Variants in EEFSEC observed in about 807,000 individuals in gnomAD.
EEFSEC encodes selenocysteine-specific elongation factor.
A neutral mutation model predicts 42.1 loss-of-function variants in EEFSEC; 43 were observed. That is an observed-to-expected ratio of 1.02 (90% confidence interval 0.80 to 1.32). The LOEUF is 1.32. Ranked by LOEUF, EEFSEC falls within the 40% of genes most tolerant of loss-of-function variation. EEFSEC has a pLI of 0.00. For synonymous variants in EEFSEC, 354 were observed against 339.1 expected, an observed-to-expected ratio of 1.04 and a Z score of -0.48; for missense variants, 745 against 803.6, an observed-to-expected ratio of 0.93 and a Z score of 0.88.
chr3:128,417,448 G>C, the EEFSEC span, among the ~76,000 whole-genome samples: 1 of 151,914 alleles, frequency 6.6e-6, no homozygotes, highest in South Asian at 2.1e-4. The surrounding 1 kb of genome is among the most constrained non-coding windows in gnomAD (Gnocchi z 4.3). Context: ...TCTTCATTGA[G>C]CAGCCCCATT....
intron 1 of EEFSEC, among the ~76,000 whole-genome samples, chr3:128,182,878 C>CGGGGGGGG (rs1262106998): frequency 4.4e-4 from 2 of 4,570 alleles, no homozygotes; most frequent in African/African-American, 1.2e-3. Flanking sequence ...CCACAGAGAT[C>CGGGGGGGG]GGGGCGGGGG....
At chr3:128,326,289 C>T (rs1479366065) in intron 4 of EEFSEC, among the ~76,000 whole-genome samples, 1 of 152,244 alleles carries the variant, frequency 6.6e-6, no homozygotes. Flanking sequence ...GGGCCAGGCA[C>T]TGCGTGAAGC....
At chr3:128,370,481 C>T (rs890146536) in intron 6 of EEFSEC, among the ~76,000 whole-genome samples, 4 of 152,222 alleles carry the variant, frequency 2.6e-5, no homozygotes, top group East Asian at 1.9e-4. Context: ...GTAAAGGCCC[C>T]GGTCTGGCAG....
At chr3:128,410,902 G>C (rs967771468), downstream of EEFSEC, among the ~76,000 whole-genome samples, 1 of 152,332 alleles carries the variant, frequency 6.6e-6, no homozygotes, top group African/African-American at 2.4e-5. Context: ...GGAAGGAGGG[G>C]GCTCGGGTGG....
chr3:128,380,267 C>T (rs1168170063), intron 6 of EEFSEC, among the ~76,000 whole-genome samples: 1 of 152,198 alleles, frequency 6.6e-6, no homozygotes, highest in Non-Finnish European at 1.5e-5. Flanking sequence ...TCTTACCTCC[C>T]CTGTTATCCC....
chr3:128,411,783 C>T (rs1003842213), downstream of EEFSEC, among the ~76,000 whole-genome samples: 12 of 152,202 alleles, frequency 7.9e-5, no homozygotes, highest in Admixed American at 3.3e-4. Context: ...CAATAGATAA[C>T]GTCTCGTAAA....
chr3:128,373,588 C>T (rs1343691570), intron 6 of EEFSEC, among the ~76,000 whole-genome samples: 1 of 152,214 alleles, frequency 6.6e-6, no homozygotes, highest in African/African-American at 2.4e-5. Flanking sequence ...CTAGCTGGGG[C>T]TCCTGTGACC....
At chr3:128,259,156 G>T (rs970653516) in intron 2 of EEFSEC, among the ~76,000 whole-genome samples, 2 of 152,332 alleles carry the variant, frequency 1.3e-5, no homozygotes, top group African/African-American at 4.8e-5. Context: ...CTCGGTAAAA[G>T]GTCCTGTCTC....
chr3:128,174,564 G>A (rs1056338020), intron 1 of EEFSEC, among the ~76,000 whole-genome samples: 4 of 152,204 alleles, frequency 2.6e-5, no homozygotes, highest in African/African-American at 9.7e-5. Context: ...ACAGGCCTGG[G>A]CTCTGGAGTC....
At chr3:128,377,082 T>A (rs915435471) in intron 6 of EEFSEC, among the ~76,000 whole-genome samples, 1 of 152,180 alleles carries the variant, frequency 6.6e-6, no homozygotes, top group African/African-American at 2.4e-5. Context: ...GTAATAGTCA[T>A]TCAAGGAGAT....
intron 4 of EEFSEC, among the ~76,000 whole-genome samples, chr3:128,337,429 G>A (rs944546973): frequency 6.6e-6 from 1 of 152,190 alleles, no homozygotes; most frequent in African/African-American, 2.4e-5. Context: ...TTGACGTTCG[G>A]CTTGATGGGG....
At chr3:128,191,848 C>T (rs906973046) in intron 1 of EEFSEC, among the ~76,000 whole-genome samples, 4 of 152,132 alleles carry the variant, frequency 2.6e-5, no homozygotes, top group African/African-American at 7.2e-5. Context: ...TTTTGTTTTT[C>T]CCTCCATCTA....
intron 1 of EEFSEC, among the ~76,000 whole-genome samples, chr3:128,217,041 A>G (rs2065817958): frequency 6.6e-6 from 1 of 152,210 alleles, no homozygotes. Flanking sequence ...ATTTATCATG[A>G]AGTACATTTT....
chr3:128,163,852 C>G (rs1254998586), intron 1 of EEFSEC, among the ~76,000 whole-genome samples: 1 of 151,202 alleles, frequency 6.6e-6, no homozygotes, highest in East Asian at 1.9e-4. Flanking sequence ...CCAGGCTGGT[C>G]TTGAACTCCT....
chr3:128,277,454 T>TTTTTTG (rs143232801), intron 4 of EEFSEC, among the ~76,000 whole-genome samples: 6 of 152,132 alleles, frequency 3.9e-5, no homozygotes, highest in Admixed American at 1.3e-4. Flanking sequence ...AGTTTGGGTG[T>TTTTTTG]TTTTTGTTTT....
intron 4 of EEFSEC, among the ~76,000 whole-genome samples, chr3:128,306,514 C>T (rs1246093259): frequency 1.3e-5 from 2 of 152,114 alleles, no homozygotes; most frequent in Non-Finnish European, 2.9e-5. Context: ...TATTTGTTAA[C>T]GTAATCTATC....
intron 4 of EEFSEC, 32 bp downstream of exon 4, chr3:128,264,813 C>G: frequency 3.8e-6 from 6 of 1,598,240 alleles, no homozygotes; most frequent in Non-Finnish European, 5.1e-6. Flanking sequence ...CTTCTGGCCT[C>G]CTCGCTGGCA....
At chr3:128,263,415 A>G (rs2066319341) in intron 3 of EEFSEC, among the ~76,000 whole-genome samples, 1 of 152,228 alleles carries the variant, frequency 6.6e-6, no homozygotes. Flanking sequence ...TCTGTGATTT[A>G]CACGTGCTGA....
At chr3:128,296,934 C>T (rs2066712901) in intron 4 of EEFSEC, among the ~76,000 whole-genome samples, 2 of 152,184 alleles carry the variant, frequency 1.3e-5, no homozygotes, top group African/African-American at 2.4e-5. Context: ...ACCAAAGCTG[C>T]ACCTCATGCT....
Sources: allele counts gnomAD v4.1 joint callset (sites outside exome capture counted in the v4.1 genomes callset), GRCh38; gene constraint gnomAD v4.1.1; non-coding constraint Gnocchi (gnomAD v3.1); transcripts MANE v1.5; gene names NCBI Gene and HGNC (gene_info 2026-07-23, HGNC 2026-07-21).